The following SNX29 variants were observed in gnomAD, a reference collection of about 807,000 sequenced individuals.
The protein encoded by SNX29 is sorting nexin-29.
In SNX29, 78 loss-of-function variants were observed where a neutral mutation model predicts 102.1. The ratio of observed to expected loss-of-function variants is 0.76; its 90% CI spans 0.64 to 0.92. The LOEUF (loss-of-function observed/expected upper bound fraction) is 0.92, where lower values mean the gene tolerates loss of function less well. SNX29 is among the 40% of genes least tolerant of loss of function. The pLI, the probability that SNX29 is intolerant of heterozygous loss-of-function variation, is 0.00. For synonymous variants in SNX29, 580 were observed against 414.5 expected, an observed-to-expected ratio of 1.40 and a Z score of -4.85; for missense variants, 1,280 against 1,061.7, an observed-to-expected ratio of 1.21 and a Z score of -2.86.
intron 18 of SNX29, among the ~76,000 whole-genome samples, chr16:12,419,729 A>C (rs2084797374): frequency 6.6e-6 from 1 of 152,190 alleles, no homozygotes; most frequent in Non-Finnish European, 1.5e-5. Flanking sequence ...GGCTGACAAC[A>C]GTCCTGGAAG....
intron 19 of SNX29, among the ~76,000 whole-genome samples, chr16:12,499,848 G>A (rs1210570829): frequency 1.3e-5 from 2 of 151,976 alleles, no homozygotes; most frequent in Non-Finnish European, 2.9e-5. Context: ...GCTAATTTTT[G>A]TATTTTTTTG....
intron 20 of SNX29, among the ~76,000 whole-genome samples, chr16:12,560,308 G>A (rs546581988): frequency 6.6e-6 from 1 of 152,120 alleles, no homozygotes; most frequent in Admixed American, 6.5e-5. Context: ...CACTCAAAAT[G>A]TCATGAAAAA....
intron 19 of SNX29, among the ~76,000 whole-genome samples, chr16:12,501,714 G>C (rs1201478635): frequency 2.2e-5 from 2 of 91,012 alleles, no homozygotes; most frequent in East Asian, 7.1e-4. Flanking sequence ...GGCAGAGCAA[G>C]ACACTGTCTC....
chr16:12,028,153 A>G (rs2057244209), intron 4 of SNX29, among the ~76,000 whole-genome samples: 1 of 152,098 alleles, frequency 6.6e-6, no homozygotes, highest in South Asian at 2.1e-4. Context: ...GAATCCCGGA[A>G]TCTTTCTTAT....
chr16:12,009,712 G>A (rs1432976343), intron 3 of SNX29, among the ~76,000 whole-genome samples: 1 of 152,028 alleles, frequency 6.6e-6, no homozygotes, highest in Admixed American at 6.6e-5. Context: ...TTTTCTCTAG[G>A]AACAAAGACT....
At chr16:12,046,272 C>G (rs1466731426) in intron 5 of SNX29, 112 bp from the exon 6 acceptor site, 1 of 1,032,624 alleles carries the variant, frequency 9.7e-7, no homozygotes. Context: ...TCATATCCCT[C>G]TTGGGGTGAC....
chr16:12,133,201 A>G (rs1008963185), intron 13 of SNX29, among the ~76,000 whole-genome samples: 1 of 151,580 alleles, frequency 6.6e-6, no homozygotes, highest in African/African-American at 2.4e-5. Context: ...TGACGGGGTC[A>G]GACCATGGCT....
At chr16:12,176,372 T>G (rs551793617) in intron 13 of SNX29, among the ~76,000 whole-genome samples, 2 of 152,310 alleles carry the variant, frequency 1.3e-5, no homozygotes, top group South Asian at 4.1e-4. Context: ...TGCCCCGGTT[T>G]CCATTTATGT....
intron 14 of SNX29, among the ~76,000 whole-genome samples, chr16:12,210,331 T>TC (rs2077150372): frequency 6.6e-6 from 1 of 151,650 alleles, no homozygotes; most frequent in Non-Finnish European, 1.5e-5. Flanking sequence ...TCCACTTTTT[T>TC]TTTTTTTTTT....
Position 12,573,761 on chromosome 16 carries a change from TCA to T in SNX29, c.*5133_*5134del. ...ATTTGCACCCAGAGCTACTAAACGC[TCA>T]GTGACCCCAGAGACCATTAATTTCC... On this transcript the variant is annotated 3_prime_UTR_variant, in exon 21 of 21. Transcript: ENST00000566228. 4.5e-6 allele frequency: 1 copy of T among 222,896 alleles called. No individual in the cohort carries two copies. 13.8% of individuals were successfully genotyped at this position (222,896 alleles called of 1,614,324 possible).
intron 15 of SNX29, among the ~76,000 whole-genome samples, chr16:12,292,781 A>G (rs1388953016): frequency 1.3e-5 from 2 of 152,212 alleles, no homozygotes; most frequent in African/African-American, 4.8e-5. Flanking sequence ...AATTTGAAGG[A>G]TCTAAAACCT....
chr16:12,120,768 G>A (rs1178969841), intron 11 of SNX29, among the ~76,000 whole-genome samples: 1 of 152,148 alleles, frequency 6.6e-6, no homozygotes. Context: ...AGAAAGGAGG[G>A]GAACGGTTTT....
chr16:12,429,767 G>A (rs1400822858), intron 18 of SNX29, among the ~76,000 whole-genome samples: 1 of 152,140 alleles, frequency 6.6e-6, no homozygotes, highest in East Asian at 1.9e-4. Context: ...TGCTCTTCAG[G>A]CTTGTTTTGT....
chr16:12,183,954 G>T (rs997663463), intron 13 of SNX29, among the ~76,000 whole-genome samples: 1 of 152,184 alleles, frequency 6.6e-6, no homozygotes, highest in Non-Finnish European at 1.5e-5. Flanking sequence ...GTCTAAAAGG[G>T]GGGTATGCAC....
At chr16:12,055,828 A>T (rs2050497253) in intron 8 of SNX29, among the ~76,000 whole-genome samples, 1 of 152,162 alleles carries the variant, frequency 6.6e-6, no homozygotes, top group African/African-American at 2.4e-5. Flanking sequence ...TTGACCAAAT[A>T]CCTGGGTATT....
intron 18 of SNX29, among the ~76,000 whole-genome samples, chr16:12,427,051 G>C (rs2085109390): frequency 6.6e-6 from 1 of 152,202 alleles, no homozygotes; most frequent in Non-Finnish European, 1.5e-5. Flanking sequence ...TAACAAAAGA[G>C]AATGGATAGT....
At chr16:12,554,418 C>T (rs1408603481) in intron 20 of SNX29, among the ~76,000 whole-genome samples, 1 of 152,216 alleles carries the variant, frequency 6.6e-6, no homozygotes, top group African/African-American at 2.4e-5. Context: ...TCTGTAATGT[C>T]AGCGTGTCCT....
At chr16:11,989,690 A>G (rs1479375694) in intron 1 of SNX29, among the ~76,000 whole-genome samples, 1 of 152,178 alleles carries the variant, frequency 6.6e-6, no homozygotes, top group African/African-American at 2.4e-5. Flanking sequence ...TCCTTCTGTG[A>G]TGGGAGAGAG....
At chr16:12,563,006 G>A (rs78752349) in intron 20 of SNX29, among the ~76,000 whole-genome samples, 29,159 of 151,708 alleles carry the variant, frequency 0.19, 3,046 homozygotes, top group East Asian at 0.44. Flanking sequence ...GCTTCAATGC[G>A]CCTTTCAAAC....
Sources: gnomAD v4.1 joint callset for allele counts (sites outside exome capture counted in the v4.1 genomes callset) on GRCh38, gnomAD v4.1.1 for gene constraint, MANE v1.5 for transcripts, NCBI Gene and HGNC (gene_info 2026-07-23, HGNC 2026-07-21) for gene names.